FAM171B: variants seen among roughly 807,000 people sequenced by gnomAD.
FAM171B encodes protein FAM171B.
Under a neutral mutation model 75.6 loss-of-function variants are expected in FAM171B, and 19 were observed. That is an observed-to-expected ratio of 0.25 (90% CI 0.18 to 0.37). The LOEUF is 0.37. FAM171B is among the 10% of genes least tolerant of loss of function. FAM171B has a pLI of 1.00. For missense variants in FAM171B, 848 were observed against 982.4 expected, an observed-to-expected ratio of 0.86 and a Z score of 1.83; for synonymous variants, 367 against 361.7, an observed-to-expected ratio of 1.01 and a Z score of -0.17.
At position 186,762,974 on chromosome 2, in the gene FAM171B, G is replaced by A. The variant is rs1574116522; in HGVS notation, c.*151G>A. The A allele has an allele frequency of 3.3e-6, 3 of 902,362 alleles. No individual in the cohort carries two copies. The highest frequency in any genetic ancestry group is 4.9e-6 in the Non-Finnish European group (3 of 611,812). 55.9% of individuals were successfully genotyped at this position (902,362 alleles called of 1,614,324 possible). Reference sequence around the variant, plus strand: ...AGTAAATGGTAATTCAGTAATCAGAGAGAAAGATACCAAGGAATGCTTTTT... The same window carrying A: ...AGTAAATGGTAATTCAGTAATCAGAAAGAAAGATACCAAGGAATGCTTTTT... On this transcript the variant is annotated 3_prime_UTR_variant, in exon 8 of 8. Transcript: ENST00000304698. This position sits in a 1 kb window ranked among gnomAD's most constrained non-coding sequence, Gnocchi z 4.0.
intron 2 of FAM171B, among the ~76,000 whole-genome samples, chr2:186,742,102 A>C (rs963722532): frequency 6.6e-6 from 1 of 152,144 alleles, no homozygotes; most frequent in African/African-American, 2.4e-5. Flanking sequence ...AATCACAGGA[A>C]TACCCAACAA....
intron 6 of FAM171B, among the ~76,000 whole-genome samples, chr2:186,759,087 A>G (rs1324073865): frequency 1.3e-5 from 2 of 152,100 alleles, no homozygotes; most frequent in African/African-American, 4.8e-5. Flanking sequence ...ATTTAACACA[A>G]TGTCCTCAAC....
intron 2 of FAM171B, among the ~76,000 whole-genome samples, chr2:186,741,468 A>G (rs529730372): frequency 6.6e-6 from 1 of 152,130 alleles, no homozygotes; most frequent in Non-Finnish European, 1.5e-5. Context: ...TAAAGAATTC[A>G]TACAAATCAA....
chr2:186,703,340 C>G (rs1689690160), intron 1 of FAM171B, among the ~76,000 whole-genome samples: 1 of 151,880 alleles, frequency 6.6e-6, no homozygotes, highest in African/African-American at 2.4e-5. Flanking sequence ...GATCCAAATG[C>G]TAGCTGGGCT....
chr2:186,762,990 A>T lies in FAM171B; in HGVS notation c.*167A>T. ...GTAATCAGAGAGAAAGATACCAAGGAATGCTTTTTCTGGCCTATTCATTTA... is the reference window on the plus strand; with the variant it reads ...GTAATCAGAGAGAAAGATACCAAGGTATGCTTTTTCTGGCCTATTCATTTA... On this transcript the variant is annotated 3_prime_UTR_variant, in exon 8 of 8. Coordinates refer to ENST00000304698, the MANE Select transcript of FAM171B (RefSeq NM_177454.4). The surrounding 1 kb of genome is among the most constrained non-coding windows in gnomAD (Gnocchi z 4.0). 2.5e-6 allele frequency: 2 copies of T among 808,890 alleles called. No individual in the cohort carries two copies. Among genetic ancestry groups the T allele is most frequent in the Non-Finnish European group, 3.7e-6 (2 of 537,790 alleles). The allele number at this position is 808,890 out of a possible 1,614,324, so 50.1% of individuals were successfully genotyped here. A position where few individuals can be genotyped will look rare whatever the true frequency, so the allele number is the denominator to read the frequency against.
At chr2:186,737,483 G>C (rs183547876) in intron 1 of FAM171B, among the ~76,000 whole-genome samples, 3 of 152,130 alleles carry the variant, frequency 2.0e-5, no homozygotes, top group East Asian at 3.9e-4. Context: ...ACCCTCCCAA[G>C]CAGCTGGCAT....
chr2:186,729,867 G>C (rs1690088293), intron 1 of FAM171B, among the ~76,000 whole-genome samples: 1 of 152,116 alleles, frequency 6.6e-6, no homozygotes, highest in Admixed American at 6.5e-5. Context: ...GAGTTAATGT[G>C]GTACATGGGA....
intron 1 of FAM171B, among the ~76,000 whole-genome samples, chr2:186,715,076 A>G (rs1435345165): frequency 6.6e-6 from 1 of 152,220 alleles, no homozygotes; most frequent in Non-Finnish European, 1.5e-5. Flanking sequence ...TTCAATAGTC[A>G]AATAGAGAGA....
Position 186,762,500 on chromosome 2 carries a change from C to G in FAM171B, c.2158C>G (p.Leu720Val), listed in dbSNP as rs377444583. ...DMNELHSSRK[L>V]EREKTFIKSM... The stretch of plus-strand genomic sequence containing the variant: ...GAATGAGCTTCACTCAAGTAGAAAG[C>G]TCGAGAGGGAGAAAACATTCATCAA... Residue 720 changes from leucine to valine, a missense_variant, in exon 8 of 8, where the codon CTC becomes GTC. Around this residue, in one of 3 missense-constraint regions of FAM171B, gnomAD observed 136 missense variants for 159.3 expected, o/e 0.85. Transcript: ENST00000304698. The surrounding 1 kb of genome is among the most constrained non-coding windows in gnomAD (Gnocchi z 4.0). 205 of 1,613,338 alleles carry G rather than the reference C, an allele frequency of 1.3e-4. No individual in the cohort carries two copies. Among genetic ancestry groups the G allele is most frequent in the Admixed American group, 7.0e-4 (42 of 59,880 alleles).
intron 1 of FAM171B, among the ~76,000 whole-genome samples, chr2:186,725,987 G>T (rs1690026575): frequency 1.3e-5 from 2 of 152,178 alleles, no homozygotes; most frequent in South Asian, 4.1e-4. Context: ...AATAGTAATG[G>T]CTCAGCTCTC....
chr2:186,736,301 C>T lies in FAM171B; in HGVS notation c.239-3927C>T, dbSNP rs945200299. ...GATGTCCTGAGTTTATGTCCTGTTTCCTCCATTTACTGAGGGTTAGCCATG... is the reference window on the plus strand; with the variant it reads ...GATGTCCTGAGTTTATGTCCTGTTTTCTCCATTTACTGAGGGTTAGCCATG... On this transcript the variant is annotated intron_variant, in intron 1 of 7. Transcript: ENST00000304698. Among the ~76,000 whole-genome samples, 7 of 152,240 alleles carry T rather than the reference C, an allele frequency of 4.6e-5. No individual in the cohort carries two copies. The South Asian group carries it at 8.3e-4, about 18-fold the overall frequency.
intron 6 of FAM171B, among the ~76,000 whole-genome samples, chr2:186,756,641 T>C (rs1690534631): frequency 6.6e-6 from 1 of 152,162 alleles, no homozygotes; most frequent in Admixed American, 6.5e-5. Flanking sequence ...CAATTTTCAG[T>C]GGACGTTGAT....
intron 1 of FAM171B, among the ~76,000 whole-genome samples, chr2:186,723,363 A>G (rs1010511508): frequency 6.6e-6 from 1 of 152,246 alleles, no homozygotes; most frequent in Non-Finnish European, 1.5e-5. Flanking sequence ...TTTAAATAGT[A>G]ATTTATTAGA....
chr2:186,757,948 G>T (rs991221461), intron 6 of FAM171B, among the ~76,000 whole-genome samples: 1 of 152,182 alleles, frequency 6.6e-6, no homozygotes, highest in South Asian at 2.1e-4. Flanking sequence ...TCTACAGCTA[G>T]CAGAAAGTTA....
intron 1 of FAM171B, among the ~76,000 whole-genome samples, chr2:186,702,408 T>C (rs986217765): frequency 6.6e-6 from 1 of 152,228 alleles, no homozygotes; most frequent in African/African-American, 2.4e-5. Context: ...TTAATTGCTA[T>C]ATAACTGTGT....
chr2:186,737,688 G>A (rs983323836), intron 1 of FAM171B, among the ~76,000 whole-genome samples: 2 of 152,206 alleles, frequency 1.3e-5, no homozygotes, highest in Non-Finnish European at 2.9e-5. Flanking sequence ...ATATTTTAGA[G>A]AAGGATTTTT....
intron 1 of FAM171B, among the ~76,000 whole-genome samples, chr2:186,702,639 A>T (rs1400367462): frequency 1.3e-5 from 2 of 152,170 alleles, no homozygotes; most frequent in Non-Finnish European, 1.5e-5. Context: ...TTTGGGCCTA[A>T]AATGAGTGAG....
chr2:186,713,227 C>T (rs989324784), intron 1 of FAM171B, among the ~76,000 whole-genome samples: 11 of 152,180 alleles, frequency 7.2e-5, no homozygotes, highest in Admixed American at 7.2e-4. Flanking sequence ...TGTGTACTCA[C>T]ACGGGCATCT....
chr2:186,741,535 C>A (rs920504893), intron 2 of FAM171B, among the ~76,000 whole-genome samples: 1 of 152,020 alleles, frequency 6.6e-6, no homozygotes, highest in Non-Finnish European at 1.5e-5. Flanking sequence ...CATGGCCTAT[C>A]AATTTTCAAA....
Sources: allele counts gnomAD v4.1 joint callset (sites outside exome capture counted in the v4.1 genomes callset), GRCh38; gene constraint gnomAD v4.1.1; regional missense constraint gnomAD v4.1.1; non-coding constraint Gnocchi (gnomAD v3.1); transcripts MANE v1.5; gene names NCBI Gene and HGNC (gene_info 2026-07-23, HGNC 2026-07-21).